Variants in CNOT1 observed in about 807,000 individuals in gnomAD.
CNOT1 encodes CCR4-NOT transcription complex subunit 1, also known as CCR4-associated factor 1.
In CNOT1, 15 loss-of-function variants were observed where a neutral mutation model predicts 273.8. The ratio of observed to expected loss-of-function variants is 0.05; its 90% CI spans 0.04 to 0.08. The LOEUF is 0.08. Ranked by LOEUF, CNOT1 falls within the 10% of genes least tolerant of loss-of-function variation. CNOT1 has a pLI of 1.00. For synonymous variants in CNOT1, 1,022 were observed against 1,005.5 expected, an observed-to-expected ratio of 1.02 and a Z score of -0.31; for missense variants, 1,644 against 2,912.2, an observed-to-expected ratio of 0.56 and a Z score of 10.02.
At chr16:58,542,400 T>A (rs748277615) in intron 32 of CNOT1, 28 bp downstream of exon 32, 1 of 1,612,918 alleles carries the variant, frequency 6.2e-7, no homozygotes, top group Non-Finnish European at 8.5e-7. Flanking sequence ...AAAAAGAAAA[T>A]CTTAAAAGGC....
rs1000876517 is a variant in CNOT1 at position 58,575,052 on chromosome 16, G to A, written c.1782C>T (p.Tyr594=). Residue 594 remains tyrosine, a synonymous_variant, in exon 15 of 49, where the codon TAC becomes TAT. Coordinates refer to ENST00000317147, the MANE Select transcript of CNOT1 (RefSeq NM_016284.5). ...CTGTGAGCCACTTATCAAGTTTGAG[G>A]TATTCACGACGTGAAGCAAGTGCAG... ...DLAALASRRE[Y]LKLDKWLTDK... is the part of the protein sequence containing the mutation. 7.4e-6 allele frequency: 12 copies of A among 1,614,104 alleles called. No homozygotes were observed. In the East Asian group the frequency reaches 2.7e-4, roughly 36 times the overall value.
rs559077661 is a variant in CNOT1 at position 58,529,677 on chromosome 16, T to C, written c.6279+569A>G. On this transcript the variant is annotated intron_variant, in intron 43 of 48. Transcript: ENST00000317147. Reference sequence around the variant, plus strand: ...ATGTAATGAGATCCCCCATGTATACTAAAAATACAAAAAATTAGCCAGGCA... The same window carrying C: ...ATGTAATGAGATCCCCCATGTATACCAAAAATACAAAAAATTAGCCAGGCA... Among the ~76,000 whole-genome samples, 5 of 151,356 alleles carry C rather than the reference T, an allele frequency of 3.3e-5. No homozygotes were observed. In the South Asian group the frequency reaches 1.0e-3, roughly 32 times the overall value.
chr16:58,543,022 G>A (rs1034935773), intron 31 of CNOT1: 1 of 971,252 alleles, frequency 1.0e-6, no homozygotes. Flanking sequence ...GAACCTCAGA[G>A]GTGGAGGATG....
At chr16:58,560,117 T>C in intron 17 of CNOT1, 95 bp downstream of exon 17, 2 of 1,540,598 alleles carry the variant, frequency 1.3e-6, no homozygotes, top group Non-Finnish European at 1.7e-6. Flanking sequence ...TTATCTAAAA[T>C]GTAATAAATT....
Position 58,587,393 on chromosome 16 carries a change from G to C in CNOT1, c.330C>G (p.His110Gln). The change falls in exon 5 of 49, where the codon CAC (histidine) becomes CAG (glutamine). Residue 110 changes from histidine (H) to glutamine (Q), a missense_variant. Physicochemically the swap from His to Gln is conservative, Grantham distance 24. This residue lies in a region of CNOT1 where 706 missense variants were observed against 1,021.2 expected (regional missense o/e 0.69). Transcript: ENST00000317147. ...GCACTTTACTCAGCTGGGCAAATAA[G>C]TGGGGTGCAGGCTTTAAACTCTGAA... ...HYQKSLKPAP[H>Q]LFAQLSKVLK... is the part of the protein sequence containing the mutation. The C allele has an allele frequency of 6.2e-7, 1 of 1,613,832 alleles. No homozygotes were observed. Among genetic ancestry groups the C allele is most frequent in the Non-Finnish European group, 8.5e-7 (1 of 1,179,998 alleles).
At chr16:58,573,169 G>A (rs941449211) in intron 16 of CNOT1, among the ~76,000 whole-genome samples, 5 of 151,454 alleles carry the variant, frequency 3.3e-5, no homozygotes, top group African/African-American at 1.2e-4. Context: ...AGTGGGGCAT[G>A]GTGGTGCACA....
chr16:58,549,688 A>G, intron 25 of CNOT1, 31 bp downstream of exon 25: 1 of 1,562,144 alleles, frequency 6.4e-7, no homozygotes, highest in East Asian at 2.3e-5. Flanking sequence ...TCAAAGCAAT[A>G]ATTAAAGGAA....
chr16:58,571,808 T>C (rs1023601150), intron 16 of CNOT1, among the ~76,000 whole-genome samples: 3 of 151,710 alleles, frequency 2.0e-5, no homozygotes, highest in Admixed American at 6.6e-5. Context: ...TGAAATCCCA[T>C]CTCTACTAAA....
At chr16:58,590,279 T>C (rs1230105281) in intron 2 of CNOT1, among the ~76,000 whole-genome samples, 1 of 152,204 alleles carries the variant, frequency 6.6e-6, no homozygotes, top group Non-Finnish European at 1.5e-5. Context: ...AATCCAAGTC[T>C]ATGAGTTGAA....
chr16:58,551,741 G>C lies in CNOT1; in HGVS notation c.3049C>G (p.Leu1017Val). 1 of 1,614,214 alleles carries C rather than the reference G, an allele frequency of 6.2e-7. No individual in the cohort carries two copies. Among genetic ancestry groups the C allele is most frequent in the Non-Finnish European group, 8.5e-7 (1 of 1,180,030 alleles). Residue 1017 changes from leucine to valine, a missense_variant, in exon 23 of 49, where the codon CTG becomes GTG. Leu to Val is a conservative substitution (Grantham distance 32, BLOSUM62 1). Transcript: ENST00000317147. ...GSITTPGSIA[L>V]AQAQAQAQVP... ...TGGGCCTGAGCCTGGGCCTGAGCCA[G>C]TGCAATACTTCCAGGGGTTGTGATA...
Position 58,545,363 on chromosome 16 carries a change from T to C in CNOT1, c.4135A>G (p.Thr1379Ala), listed in dbSNP as rs752407994. ...AGAATGGAGCAGTGTTTACTTACTG[T>C]TGGATTCAGAGTAATGTGTGGTGCC... ...GLAPHITLNP[T>A]IPLFQAHPQL... Residue 1379 changes from threonine (T) to alanine (A), a missense_variant and splice_region_variant, in exon 30 of 49, where the codon ACA (threonine) becomes GCA (alanine). Physicochemically the swap from Thr to Ala is moderately conservative, Grantham distance 58. Around this residue, in one of 13 missense-constraint regions of CNOT1, gnomAD observed 133 missense variants for 230.4 expected, o/e 0.58. Transcript: ENST00000317147. 15 of 1,613,180 alleles carry C rather than the reference T, an allele frequency of 9.3e-6. No individual in the cohort carries two copies. The highest frequency in any genetic ancestry group is 1.7e-5 in the Admixed American group (1 of 59,810).
intron 1 of CNOT1, among the ~76,000 whole-genome samples, chr16:58,614,229 A>AGATTCACTC (rs2043003120): frequency 8.0e-6 from 1 of 124,922 alleles, no homozygotes; most frequent in African/African-American, 2.7e-5. Flanking sequence ...GAAGAGAGGT[A>AGATTCACTC]ACATAGATGG....
chr16:58,569,382 A>C (rs1253803083), intron 16 of CNOT1, among the ~76,000 whole-genome samples: 1 of 152,158 alleles, frequency 6.6e-6, no homozygotes, highest in East Asian at 1.9e-4. Flanking sequence ...TTGGCCTCCC[A>C]AAGTGCTGCT....
Position 58,557,013 on chromosome 16 carries a change from C to A in CNOT1, c.2333-20G>T. 1.2e-6 allele frequency: 2 copies of A among 1,609,162 alleles called. No homozygotes were observed. The highest frequency in any genetic ancestry group is 1.7e-6 in the Non-Finnish European group (2 of 1,178,688). ...CACCTACTAGAGAGAACGAAGGCAG[C>A]CACAAATCCTATCATTATTCATATT... On this transcript the variant is annotated intron_variant, in intron 18 of 48. Coordinates refer to ENST00000317147, the MANE Select transcript of CNOT1 (RefSeq NM_016284.5).
chr16:58,583,331 AC>A, intron 8 of CNOT1, 149 bp from the exon 9 acceptor site: 1 of 1,437,286 alleles, frequency 7.0e-7, no homozygotes, highest in Non-Finnish European at 9.1e-7. Context: ...TTACATTTAT[AC>A]AGCTAGGAAT....
rs1271593879 is a variant in CNOT1 at position 58,613,330 on chromosome 16, C to CCTACAAGGACTTTGT, written c.-174-13820_-174-13819insACAAAGTCCTTGTAG. The stretch of plus-strand genomic sequence containing the variant: ...TACAGGCTTGAGTCACCACGCCTGG[C>CCTACAAGGACTTTGT]TTAGAGGTTAAGTCTAAAACAAGCA... On this transcript the variant is annotated intron_variant, in intron 1 of 48. Coordinates refer to ENST00000317147, the MANE Select transcript of CNOT1 (RefSeq NM_016284.5). Among the ~76,000 whole-genome samples the CCTACAAGGACTTTGT allele has an allele frequency of 3.6e-3, 478 of 133,580 alleles. 12 individuals carry two copies. Among genetic ancestry groups the CCTACAAGGACTTTGT allele is most frequent in the Admixed American group, 4.3e-3 (58 of 13,378 alleles). 87.6% of individuals were successfully genotyped at this position (133,580 alleles called of 152,430 possible).
intron 2 of CNOT1, among the ~76,000 whole-genome samples, chr16:58,596,905 AAAAAAAAAAAAAC>A (rs2042279380): frequency 6.7e-6 from 1 of 150,186 alleles, no homozygotes; most frequent in Non-Finnish European, 1.5e-5. Context: ...AAAAAAAAAA[AAAAAAAAAAAAAC>A]AAAAGTCAAT....
intron 1 of CNOT1, among the ~76,000 whole-genome samples, chr16:58,618,806 TCAAG>T (rs1243312102): frequency 2.6e-5 from 4 of 152,328 alleles, no homozygotes; most frequent in African/African-American, 9.6e-5. Context: ...CACATATTAA[TCAAG>T]CAATTTATTT....
At chr16:58,610,321 C>T (rs2042850546) in intron 1 of CNOT1, among the ~76,000 whole-genome samples, 1 of 152,106 alleles carries the variant, frequency 6.6e-6, no homozygotes, top group African/African-American at 2.4e-5. Context: ...CAGAGAATCG[C>T]TTAAACGCAG....
Sources: gnomAD v4.1 joint callset for allele counts (sites outside exome capture counted in the v4.1 genomes callset) on GRCh38, gnomAD v4.1.1 for gene constraint, gnomAD v4.1.1 regional missense constraint, MANE v1.5 for transcripts, NCBI Gene and HGNC (gene_info 2026-07-23, HGNC 2026-07-21) for gene names.